The following SCFD2 variants were observed in gnomAD, a reference collection of about 807,000 sequenced individuals.
The protein encoded by SCFD2 is sec1 family domain containing 2.
A neutral mutation model predicts 58.9 loss-of-function variants in SCFD2; 54 were observed. The observed-to-expected ratio is 0.92, with a 90% confidence interval of 0.74 to 1.15. The LOEUF is 1.15. Among genes scored for constraint, SCFD2 ranks in the 50% most tolerant of loss-of-function variants. SCFD2 has a pLI of 0.00. For missense variants in SCFD2, 805 were observed against 836.6 expected (o/e 0.96, Z 0.47); for synonymous variants, 321 against 335.9 (o/e 0.96, Z 0.49).
chr4:53,318,466 C>A (rs1275179771), intron 2 of SCFD2, among the ~76,000 whole-genome samples: 1 of 152,072 alleles, frequency 6.6e-6, no homozygotes. Flanking sequence ...ATCTTTATAT[C>A]TTCAGCAGGA....
At chr4:52,895,278 AT>A (rs1172876951) in intron 7 of SCFD2, among the ~76,000 whole-genome samples, 2 of 151,850 alleles carry the variant, frequency 1.3e-5, no homozygotes, top group Non-Finnish European at 2.9e-5. Flanking sequence ...CCATTAACTC[AT>A]CATTTAGCAT....
chr4:53,277,063 A>G (rs966401479), intron 3 of SCFD2, among the ~76,000 whole-genome samples: 5 of 151,962 alleles, frequency 3.3e-5, no homozygotes, highest in African/African-American at 1.2e-4. Flanking sequence ...ACTTTTATTG[A>G]TTCATTGATT....
intron 4 of SCFD2, among the ~76,000 whole-genome samples, chr4:53,249,959 T>C (rs1345732725): frequency 1.3e-5 from 2 of 152,116 alleles, no homozygotes; most frequent in East Asian, 3.9e-4. Context: ...AATGTCAACT[T>C]TAAATGTAAA....
chr4:53,141,252 G>A (rs537405302), intron 5 of SCFD2, among the ~76,000 whole-genome samples: 11 of 152,306 alleles, frequency 7.2e-5, no homozygotes, highest in African/African-American at 2.6e-4. Context: ...GACAGTCACA[G>A]AGGTATAACA....
intron 5 of SCFD2, among the ~76,000 whole-genome samples, chr4:52,994,905 C>T (rs1188809182): frequency 6.6e-6 from 1 of 151,954 alleles, no homozygotes; most frequent in Non-Finnish European, 1.5e-5. Flanking sequence ...TGATAGCAAC[C>T]AACATCTGTT....
In SCFD2 at chr4:52,911,305, C is replaced by T. The variant is rs577836552; in HGVS notation, c.1708-3714G>A. On this transcript the variant is annotated intron_variant, in intron 6 of 8. Coordinates refer to ENST00000401642, the MANE Select transcript of SCFD2 (RefSeq NM_152540.4). Reference sequence around the variant, plus strand: ...ATGGAGGGATTGGGGTAAGTAGGGACACTAGGATCACTCTCACTCTTTCCC... The same window carrying T: ...ATGGAGGGATTGGGGTAAGTAGGGATACTAGGATCACTCTCACTCTTTCCC... Among the ~76,000 whole-genome samples the T allele has an allele frequency of 9.9e-5, 15 of 152,212 alleles. No homozygotes were observed. The South Asian group carries it at 3.1e-3, about 32-fold the overall frequency.
At chr4:53,323,310 T>C (rs1733078901) in intron 2 of SCFD2, among the ~76,000 whole-genome samples, 2 of 152,190 alleles carry the variant, frequency 1.3e-5, no homozygotes, top group African/African-American at 4.8e-5. Flanking sequence ...TTTGATACTC[T>C]AGAACTACAG....
chr4:52,996,577 G>C (rs1170845135), intron 5 of SCFD2, among the ~76,000 whole-genome samples: 2 of 152,188 alleles, frequency 1.3e-5, no homozygotes, highest in Non-Finnish European at 2.9e-5. Context: ...GGAAGATGCT[G>C]GTGTTGTGGA....
chr4:52,960,487 G>C, intron 5 of SCFD2, among the ~76,000 whole-genome samples: 1 of 151,640 alleles, frequency 6.6e-6, no homozygotes, highest in South Asian at 2.1e-4. Flanking sequence ...TCCTGCCTCA[G>C]CCTCCCGAGT....
At chr4:53,047,751 C>T (rs1723079482) in intron 5 of SCFD2, among the ~76,000 whole-genome samples, 2 of 152,184 alleles carry the variant, frequency 1.3e-5, no homozygotes, top group Admixed American at 1.3e-4. Context: ...TTTATTTCTT[C>T]CCCCAAACTC....
intron 3 of SCFD2, among the ~76,000 whole-genome samples, chr4:53,305,535 T>A (rs1191512622): frequency 6.6e-6 from 1 of 152,222 alleles, no homozygotes; most frequent in African/African-American, 2.4e-5. Flanking sequence ...ACATTAGACA[T>A]GTGCAAAGAT....
Position 53,141,645 on chromosome 4 carries a change from G to GA in SCFD2, c.1561+3687dup, listed in dbSNP as rs34162723. ...AATGTACATTTGTGGAGTCAAATTTGAAAAAAAAAAAAACATTAAATCAGT... is the reference window on the plus strand; with the variant it reads ...AATGTACATTTGTGGAGTCAAATTTGAAAAAAAAAAAAAACATTAAATCAGT... On this transcript the variant is annotated intron_variant, in intron 5 of 8. Coordinates refer to ENST00000401642, the MANE Select transcript of SCFD2 (RefSeq NM_152540.4). Among the ~76,000 whole-genome samples, 70 of 145,158 alleles carry GA rather than the reference G, an allele frequency of 4.8e-4. 2 individuals are homozygous for GA. In the East Asian group the frequency reaches 7.6e-3, roughly 16 times the overall value.
intron 2 of SCFD2, among the ~76,000 whole-genome samples, chr4:53,342,041 T>C (rs537745230): frequency 6.6e-6 from 1 of 152,216 alleles, no homozygotes; most frequent in South Asian, 2.1e-4. Flanking sequence ...ATGAAGAAAC[T>C]GCATCAAGTA....
rs148704553 is a variant in SCFD2 at position 53,352,166 on chromosome 4, T to G, written c.1007+432A>C. Among the ~76,000 whole-genome samples, 369 of 152,350 alleles carry G rather than the reference T, an allele frequency of 2.4e-3. 1 individual carries two copies. Among genetic ancestry groups the G allele is most frequent in the Non-Finnish European group, 3.6e-3 (248 of 68,030 alleles). ...AAAAAATATACTTAGAAATAAAAAC[T>G]TCTGTTGATATCCACAGGTATATCA... On this transcript the variant is annotated intron_variant, in intron 2 of 8. Transcript: ENST00000401642.
Position 53,040,091 on chromosome 4 carries a change from T to C in SCFD2, c.1561+105242A>G, listed in dbSNP as rs147856507. ...TCCATCAGCATTGAGCATAGTACTATGGCATAGCACAAATGCAGTGGGTGA... is the reference window on the plus strand; with the variant it reads ...TCCATCAGCATTGAGCATAGTACTACGGCATAGCACAAATGCAGTGGGTGA... On this transcript the variant is annotated intron_variant, in intron 5 of 8. Coordinates refer to ENST00000401642, the MANE Select transcript of SCFD2 (RefSeq NM_152540.4). Among the ~76,000 whole-genome samples, 910 of 152,346 alleles carry C rather than the reference T, an allele frequency of 6.0e-3. 3 individuals are homozygous for C. The highest frequency in any genetic ancestry group is 9.8e-3 in the Non-Finnish European group (667 of 68,028).
chr4:53,144,415 G>A (rs1381297941), intron 5 of SCFD2, among the ~76,000 whole-genome samples: 2 of 148,042 alleles, frequency 1.4e-5, no homozygotes, highest in Non-Finnish European at 3.0e-5. Context: ...GTATATATAT[G>A]GACTTATATA....
At chr4:53,255,023 C>T (rs1386868490) in intron 4 of SCFD2, among the ~76,000 whole-genome samples, 3 of 150,494 alleles carry the variant, frequency 2.0e-5, no homozygotes, top group Non-Finnish European at 4.4e-5. Context: ...CAGGCACACA[C>T]CGCCATGCCC....
intron 1 of SCFD2, among the ~76,000 whole-genome samples, chr4:53,359,686 C>T (rs62325969): frequency 0.11 from 16,054 of 152,210 alleles, 961 homozygotes; most frequent in East Asian, 0.16. Flanking sequence ...AGAAACCTCA[C>T]CAAACTCTTG....
intron 2 of SCFD2, among the ~76,000 whole-genome samples, chr4:53,324,589 A>G (rs1486736348): frequency 1.3e-5 from 2 of 152,164 alleles, no homozygotes; most frequent in Non-Finnish European, 2.9e-5. Flanking sequence ...GAACAAGGGA[A>G]AAACACAGGC....
Sources: gnomAD v4.1 joint callset for allele counts (sites outside exome capture counted in the v4.1 genomes callset) on GRCh38, gnomAD v4.1.1 for gene constraint, MANE v1.5 for transcripts, NCBI Gene and HGNC (gene_info 2026-07-23, HGNC 2026-07-21) for gene names.